The following FBXW11 variants were observed in gnomAD, a reference collection of about 807,000 sequenced individuals.
FBXW11 encodes the protein F-box/WD repeat-containing protein 11.
Under a neutral mutation model 77.6 loss-of-function variants are expected in FBXW11, and 19 were observed. That is an observed-to-expected ratio of 0.24 (90% CI 0.17 to 0.36). The LOEUF (loss-of-function observed/expected upper bound fraction) is 0.36. FBXW11 is among the 10% of genes least tolerant of loss of function. The pLI is 1.00. For missense variants in FBXW11, 334 were observed against 704.2 expected, an observed-to-expected ratio of 0.47 and a Z score of 5.95; for synonymous variants, 235 against 249.4, an observed-to-expected ratio of 0.94 and a Z score of 0.54.
chr5:171,953,377 A>G (rs1763446786), intron 2 of FBXW11, among the ~76,000 whole-genome samples: 1 of 152,214 alleles, frequency 6.6e-6, no homozygotes, highest in South Asian at 2.1e-4. Flanking sequence ...TCAGACCCAG[A>G]GTGCTATAGG....
At chr5:171,895,908 C>A (rs1474826289) in intron 6 of FBXW11, among the ~76,000 whole-genome samples, 11 of 152,176 alleles carry the variant, frequency 7.2e-5, no homozygotes, top group Admixed American at 3.3e-4. Context: ...CTAGGAATTC[C>A]TTCTCAATTC....
At chr5:171,917,300 C>A (rs1761317889) in intron 2 of FBXW11, among the ~76,000 whole-genome samples, 1 of 152,194 alleles carries the variant, frequency 6.6e-6, no homozygotes, top group South Asian at 2.1e-4. Context: ...ACCTAAACCA[C>A]CTTAATATTT....
At chr5:171,942,192 A>G (rs1397037683) in intron 2 of FBXW11, among the ~76,000 whole-genome samples, 3 of 151,340 alleles carry the variant, frequency 2.0e-5, no homozygotes, top group East Asian at 3.9e-4. Flanking sequence ...TAGTCATAAT[A>G]CGAGAATCAA....
intron 1 of FBXW11, among the ~76,000 whole-genome samples, chr5:171,978,078 T>C (rs186819285): frequency 5.9e-5 from 9 of 152,046 alleles, no homozygotes; most frequent in Admixed American, 3.9e-4. Context: ...AGAGGTTAAC[T>C]AGACAAGGAA....
intron 2 of FBXW11, among the ~76,000 whole-genome samples, chr5:171,941,904 G>A (rs907202357): frequency 1.3e-5 from 2 of 150,272 alleles, no homozygotes; most frequent in African/African-American, 4.9e-5. Context: ...AAGATCATGT[G>A]ATTAAAATGT....
At chr5:171,903,263 A>AT (rs912108271) in intron 4 of FBXW11, among the ~76,000 whole-genome samples, 16 of 151,430 alleles carry the variant, frequency 1.1e-4, no homozygotes, top group East Asian at 3.9e-4. Flanking sequence ...CACCCAGCTA[A>AT]TTTTTTTTTA....
chr5:171,946,288 T>C (rs1285227896), intron 2 of FBXW11, among the ~76,000 whole-genome samples: 2 of 152,192 alleles, frequency 1.3e-5, no homozygotes, highest in Non-Finnish European at 2.9e-5. Context: ...GAACCCTGAC[T>C]GACATGCTGA....
intron 2 of FBXW11, among the ~76,000 whole-genome samples, chr5:171,929,708 C>T (rs1388522565): frequency 2.0e-5 from 3 of 151,768 alleles, no homozygotes; most frequent in African/African-American, 7.3e-5. Context: ...AAAAATTAGC[C>T]GGGCATGGTG....
intron 1 of FBXW11, among the ~76,000 whole-genome samples, chr5:171,968,234 A>T (rs1430589600): frequency 1.3e-5 from 2 of 152,090 alleles, no homozygotes; most frequent in Non-Finnish European, 2.9e-5. Context: ...AGGTGGGCGG[A>T]TCACGAGGTC....
chr5:171,942,321 G>GC (rs1762794316), intron 2 of FBXW11, among the ~76,000 whole-genome samples: 1 of 151,574 alleles, frequency 6.6e-6, no homozygotes, highest in Non-Finnish European at 1.5e-5. Flanking sequence ...ATGATGCATT[G>GC]CCTTTAGTTG....
At chr5:171,963,749 C>T (rs1315220612) in intron 1 of FBXW11, among the ~76,000 whole-genome samples, 5 of 152,094 alleles carry the variant, frequency 3.3e-5, no homozygotes, top group African/African-American at 7.2e-5. Flanking sequence ...CAAGCCAAAG[C>T]CAAGCCAAAT....
In FBXW11 at chr5:171,891,572, G is replaced by A; in HGVS notation, c.747C>T (p.His249=). Reference sequence around the variant, plus strand: ...AGCGGCACTGAATCCTCTGCAAGTTGTGTCGTCCACACCGCCAGTTAGATT... The same window carrying A: ...AGCGGCACTGAATCCTCTGCAAGTTATGTCGTCCACACCGCCAGTTAGATT... ...TIESNWRCGR[H]NLQRIQCRSE... Residue 249 remains histidine, a synonymous_variant, in exon 7 of 14, where the codon CAC becomes CAT. Coordinates refer to ENST00000517395, the MANE Select transcript of FBXW11 (RefSeq NM_001378974.1). 6.2e-7 allele frequency: 1 copy of A among 1,610,648 alleles called. No homozygotes were observed. The highest frequency in any genetic ancestry group is 1.1e-5 in the South Asian group (1 of 90,442).
intron 4 of FBXW11, among the ~76,000 whole-genome samples, chr5:171,907,595 C>T (rs1446606883): frequency 6.6e-6 from 1 of 152,088 alleles, no homozygotes; most frequent in African/African-American, 2.4e-5. Flanking sequence ...GTATGATATA[C>T]ACTGACATAT....
chr5:171,898,845 G>A (rs1169631264), intron 6 of FBXW11, among the ~76,000 whole-genome samples, 159 bp downstream of exon 6: 1 of 152,080 alleles, frequency 6.6e-6, no homozygotes, highest in Non-Finnish European at 1.5e-5. Flanking sequence ...CAGAATAGCT[G>A]CAGATTATAT....
chr5:171,989,926 G>A (rs1165790775), intron 1 of FBXW11, among the ~76,000 whole-genome samples: 5 of 152,184 alleles, frequency 3.3e-5, no homozygotes, highest in East Asian at 1.9e-4. Flanking sequence ...TTGTATACAC[G>A]GAGATATGGT....
At chr5:171,982,279 A>C (rs373350075) in intron 1 of FBXW11, among the ~76,000 whole-genome samples, 10 of 152,042 alleles carry the variant, frequency 6.6e-5, no homozygotes, top group African/African-American at 2.4e-4. Flanking sequence ...TTATTTATTT[A>C]TTTTTTTGAG....
intron 1 of FBXW11, among the ~76,000 whole-genome samples, chr5:171,983,464 C>A (rs1765262356): frequency 6.6e-6 from 1 of 152,034 alleles, no homozygotes; most frequent in South Asian, 2.1e-4. Flanking sequence ...GTCAGAAGGA[C>A]AAAAGCCCAG....
intron 1 of FBXW11, among the ~76,000 whole-genome samples, chr5:171,967,871 TATATATATATATACACACACACACAC>T (rs1407400860): frequency 2.6e-4 from 29 of 110,856 alleles, no homozygotes; most frequent in South Asian, 1.4e-3. Context: ...TATATATATA[TATATATATATATACACACACACACAC>T]ACACACACAC....
chr5:171,978,050 C>T (rs893342750), intron 1 of FBXW11, among the ~76,000 whole-genome samples: 2 of 152,010 alleles, frequency 1.3e-5, no homozygotes, highest in Non-Finnish European at 2.9e-5. Context: ...CACTTCAGCT[C>T]AACTCTAAAG....
Sources: gnomAD v4.1 joint callset for allele counts (sites outside exome capture counted in the v4.1 genomes callset) on GRCh38, gnomAD v4.1.1 for gene constraint, MANE v1.5 for transcripts, NCBI Gene and HGNC (gene_info 2026-07-23, HGNC 2026-07-21) for gene names.